The following TMEM132C variants were observed in gnomAD, a reference collection of about 807,000 sequenced individuals.
The protein encoded by TMEM132C is protein phosphatase 1, regulatory subunit 152.
A neutral mutation model predicts 61.4 loss-of-function variants in TMEM132C; 29 were observed. The ratio of observed to expected loss-of-function variants is 0.47; its 90% CI spans 0.35 to 0.64. The LOEUF (loss-of-function observed/expected upper bound fraction) is 0.64, where lower values mean the gene tolerates loss of function less well. TMEM132C is among the 30% of genes least tolerant of loss of function. The pLI is 0.00. For missense variants in TMEM132C, 1,408 were observed against 1,476.9 expected, an observed-to-expected ratio of 0.95 and a Z score of 0.76; for synonymous variants, 656 against 633.1, an observed-to-expected ratio of 1.04 and a Z score of -0.54.
At chr12:128,286,107 TTCTC>T (rs142724473) in intron 1 of TMEM132C, among the ~76,000 whole-genome samples, 3 of 146,180 alleles carry the variant, frequency 2.1e-5, no homozygotes, top group Non-Finnish European at 3.0e-5. Flanking sequence ...CTCTCTCCCT[TTCTC>T]TCTCTCTCTC....
chr12:128,311,666 C>A (rs1450647006), intron 1 of TMEM132C, among the ~76,000 whole-genome samples: 1 of 152,208 alleles, frequency 6.6e-6, no homozygotes, highest in Middle Eastern at 3.2e-3. Context: ...CGTGGCACCC[C>A]CGCCGGAACC....
chr12:128,695,748 G>A lies in TMEM132C; in HGVS notation c.1656-82G>A, dbSNP rs1954755873. ...GTGTCTTCAATGTGGTCTCCTTGAG[G>A]TTGAGGTGAGCGCCTGCCTGTCTCA... is the stretch of plus-strand genomic sequence containing the variant. On this transcript the variant is annotated intron_variant, in intron 6 of 8. Coordinates refer to ENST00000435159, the MANE Select transcript of TMEM132C (RefSeq NM_001136103.3). The A allele has an allele frequency of 2.1e-6, 3 of 1,433,978 alleles. No homozygotes were observed. The African/African-American group carries it at 4.3e-5, about 20-fold the overall frequency. The allele number at this position is 1,433,978 out of a possible 1,614,324, so 88.8% of individuals were successfully genotyped here. A position where few individuals can be genotyped will look rare whatever the true frequency, so the allele number is the denominator to read the frequency against.
chr12:128,582,624 G>T (rs1437215067), intron 3 of TMEM132C, among the ~76,000 whole-genome samples: 2 of 152,084 alleles, frequency 1.3e-5, no homozygotes, highest in Non-Finnish European at 2.9e-5. Flanking sequence ...GATCTGATGG[G>T]TTTATCAGGG....
intron 4 of TMEM132C, among the ~76,000 whole-genome samples, chr12:128,643,391 C>T (rs1009662833): frequency 2.0e-5 from 3 of 152,142 alleles, no homozygotes; most frequent in Non-Finnish European, 2.9e-5. Flanking sequence ...CACGTTCTGG[C>T]GGATACTCCC....
intron 5 of TMEM132C, among the ~76,000 whole-genome samples, chr12:128,677,708 G>A (rs909436720): frequency 1.1e-4 from 17 of 152,342 alleles, no homozygotes; most frequent in African/African-American, 3.6e-4. Flanking sequence ...CTGCAGCCAT[G>A]GGTTGCTAGG....
chr12:128,594,430 T>G (rs919110264), intron 3 of TMEM132C, among the ~76,000 whole-genome samples: 1 of 148,578 alleles, frequency 6.7e-6, no homozygotes, highest in African/African-American at 2.5e-5. Context: ...GTGGCTGCTG[T>G]GCCCCCCATT....
chr12:128,577,315 G>C (rs1009436715), intron 3 of TMEM132C, among the ~76,000 whole-genome samples: 3 of 152,218 alleles, frequency 2.0e-5, no homozygotes, highest in South Asian at 2.1e-4. Flanking sequence ...ACAGGGACCT[G>C]TGCTCTTAGT....
chr12:128,283,414 G>C (rs1396964616), intron 1 of TMEM132C, among the ~76,000 whole-genome samples: 1 of 152,090 alleles, frequency 6.6e-6, no homozygotes, highest in African/African-American at 2.4e-5. Flanking sequence ...TGACTAATGG[G>C]GTGCTCTAGT....
intron 4 of TMEM132C, among the ~76,000 whole-genome samples, chr12:128,659,758 G>A (rs1317094756): frequency 6.6e-6 from 1 of 151,900 alleles, no homozygotes; most frequent in Non-Finnish European, 1.5e-5. Flanking sequence ...AAGAGTCAGC[G>A]ATGTCAGAAT....
At chr12:128,622,358 AAAATAT>A (rs1287264025) in intron 4 of TMEM132C, among the ~76,000 whole-genome samples, 1 of 48,286 alleles carries the variant, frequency 2.1e-5, no homozygotes, top group Non-Finnish European at 3.7e-5. Flanking sequence ...AAAAAAAAAA[AAAATAT>A]ATATATATAT....
intron 4 of TMEM132C, among the ~76,000 whole-genome samples, chr12:128,643,944 G>C (rs568027283): frequency 6.6e-6 from 1 of 152,206 alleles, no homozygotes; most frequent in Admixed American, 6.5e-5. Context: ...AAATGGATTT[G>C]AGCCCAAACC....
intron 3 of TMEM132C, among the ~76,000 whole-genome samples, chr12:128,552,450 T>C (rs747326435): frequency 1.3e-5 from 2 of 152,090 alleles, no homozygotes; most frequent in African/African-American, 4.8e-5. Context: ...TGGGCAAATA[T>C]AGAAAAGAAT....
At chr12:128,500,691 G>A (rs1313700013) in intron 2 of TMEM132C, among the ~76,000 whole-genome samples, 1 of 152,224 alleles carries the variant, frequency 6.6e-6, no homozygotes, top group Admixed American at 6.5e-5. Flanking sequence ...GACCACAGAC[G>A]TTGGGAAGAA....
rs1464874228 is a variant in TMEM132C, at chr12:128,415,463, G to A, written c.817G>A (p.Gly273Ser). The change falls in exon 2 of 9, where the codon GGC becomes AGC. Residue 273 changes from glycine (G) to serine (S), a missense_variant. Coordinates refer to ENST00000435159, the MANE Select transcript of TMEM132C (RefSeq NM_001136103.3). This position sits in a 1 kb window ranked among gnomAD's most constrained non-coding sequence, Gnocchi z 5.8. ...CCACCTGCAGAGGATCGGCACCGTC[G>A]GCCTTTACCGGGCCCAGGACAGCGC... ...TSHLQRIGTV[G>S]LYRAQDSAQL... 6.4e-6 allele frequency: 10 copies of A among 1,551,510 alleles called. No homozygotes were observed. Among genetic ancestry groups the A allele is most frequent in the Middle Eastern group, 3.3e-4 (2 of 6,014 alleles).
At chr12:128,504,513 A>G (rs990563908) in intron 2 of TMEM132C, among the ~76,000 whole-genome samples, 1 of 152,140 alleles carries the variant, frequency 6.6e-6, no homozygotes, top group Non-Finnish European at 1.5e-5. Context: ...TCAGGAATTT[A>G]TTCATTTCTG....
At chr12:128,447,783 G>T (rs1870038716) in intron 2 of TMEM132C, among the ~76,000 whole-genome samples, 1 of 123,372 alleles carries the variant, frequency 8.1e-6, no homozygotes, top group South Asian at 2.5e-4. Context: ...GCGGACTGCA[G>T]TGGCGCAATC....
At chr12:128,639,257 GTGA>G (rs575732159) in intron 4 of TMEM132C, among the ~76,000 whole-genome samples, 33 of 149,804 alleles carry the variant, frequency 2.2e-4, no homozygotes, top group Admixed American at 1.1e-3. Flanking sequence ...AATGATGATG[GTGA>G]TGATGATGAT....
At chr12:128,417,807 C>T (rs1279786968) in intron 2 of TMEM132C, among the ~76,000 whole-genome samples, 1 of 152,166 alleles carries the variant, frequency 6.6e-6, no homozygotes, top group Non-Finnish European at 1.5e-5. Flanking sequence ...TCGCAGTAAA[C>T]AGACATTGTG....
intron 1 of TMEM132C, among the ~76,000 whole-genome samples, chr12:128,353,901 G>A (rs1873417389): frequency 6.6e-6 from 1 of 152,154 alleles, no homozygotes; most frequent in South Asian, 2.1e-4. Context: ...GGTTGCTGTT[G>A]TTTTCCATTT....
Sources: allele counts gnomAD v4.1 joint callset (sites outside exome capture counted in the v4.1 genomes callset), GRCh38; gene constraint gnomAD v4.1.1; non-coding constraint Gnocchi (gnomAD v3.1); transcripts MANE v1.5; gene names NCBI Gene and HGNC (gene_info 2026-07-23, HGNC 2026-07-21).